Variants in SPTBN4 observed in about 807,000 individuals in gnomAD.
SPTBN4 encodes spectrin beta chain, non-erythrocytic 4.
Under a neutral mutation model 277.8 loss-of-function variants are expected in SPTBN4, and 96 were observed. That is an observed-to-expected ratio of 0.35 (90% CI 0.29 to 0.41). The LOEUF is 0.41. SPTBN4 is among the 10% of genes least tolerant of loss of function. The pLI, the probability that SPTBN4 is intolerant of heterozygous loss-of-function variation, is 1.00. For missense variants in SPTBN4, 3,006 were observed against 3,595.7 expected (o/e 0.84, Z 4.19); for synonymous variants, 1,481 against 1,580.3 (o/e 0.94, Z 1.49).
In SPTBN4 at chr19:40,520,059, T is replaced by C. The variant is rs1200343066; in HGVS notation, c.3562T>C (p.Trp1188Arg). ...ELGWHKLLGL[W>R]EARREALVQA... is the part of the protein sequence containing the mutation. ...TGGCTGGCATAAACTGCTCGGCTTG[T>C]GGGAGGCGCGCAGGGAGGCGCTGGT... Residue 1188 changes from tryptophan (W) to arginine (R), a missense_variant, in exon 16 of 36, where the codon TGG becomes CGG. Coordinates refer to ENST00000598249, the MANE Select transcript of SPTBN4 (RefSeq NM_020971.3). 2.0e-6 allele frequency: 3 copies of C among 1,536,756 alleles called. No individual in the cohort carries two copies. The highest frequency in any genetic ancestry group is 4.3e-5 in the Admixed American group (2 of 46,848).
chr19:40,532,503 TC>T, intron 18 of SPTBN4, 121 bp from the exon 19 acceptor site: 1 of 1,296,098 alleles, frequency 7.7e-7, no homozygotes, highest in East Asian at 2.6e-5. Context: ...TTTCATCCTT[TC>T]CTATTCCTTC....
intron 1 of SPTBN4, 79 bp from the exon 2 acceptor site, chr19:40,472,528 G>A (rs1202228020): frequency 4.6e-6 from 6 of 1,309,276 alleles, no homozygotes; most frequent in Admixed American, 2.6e-5. Flanking sequence ...GAGGACAAGA[G>A]AGGGGACAGG....
At chr19:40,543,767 A>C (rs962120534) in intron 20 of SPTBN4, among the ~76,000 whole-genome samples, 12 of 152,148 alleles carry the variant, frequency 7.9e-5, no homozygotes, top group African/African-American at 2.9e-4. Flanking sequence ...TCTGCCTCCC[A>C]ATCCCACATC....
chr19:40,570,880 G>GT, intron 33 of SPTBN4, 152 bp downstream of exon 33: 1 of 841,738 alleles, frequency 1.2e-6, no homozygotes, highest in African/African-American at 1.8e-5. Context: ...GGTGGTGGTG[G>GT]CTTAAATCAA....
chr19:40,522,233 G>T (rs1052299815), intron 16 of SPTBN4, among the ~76,000 whole-genome samples: 2 of 151,944 alleles, frequency 1.3e-5, no homozygotes, highest in Non-Finnish European at 2.9e-5. Context: ...TCACCATGTT[G>T]CCCAGGCTGG....
At chr19:40,505,599 G>A (rs1368475889) in intron 12 of SPTBN4, among the ~76,000 whole-genome samples, 3 of 151,822 alleles carry the variant, frequency 2.0e-5, no homozygotes, top group Non-Finnish European at 4.4e-5. Flanking sequence ...GAACCTGGGA[G>A]GTGGAGTTTG....
At chr19:40,542,022 A>G (rs1445878520) in intron 20 of SPTBN4, among the ~76,000 whole-genome samples, 1 of 152,164 alleles carries the variant, frequency 6.6e-6, no homozygotes, top group African/African-American at 2.4e-5. Context: ...CCCGGATTCC[A>G]GCGATTCTCC....
Position 40,523,438 on chromosome 19 carries a change from A to G in SPTBN4, c.3656A>G (p.Glu1219Gly). 1.2e-6 allele frequency: 2 copies of G among 1,600,600 alleles called. No homozygotes were observed. Among genetic ancestry groups the G allele is most frequent in the Non-Finnish European group, 1.7e-6 (2 of 1,172,920 alleles). The change falls in exon 17 of 36, where the codon GAG (glutamate) becomes GGG (glycine). Residue 1219 changes from glutamate (E) to glycine (G), a missense_variant and splice_region_variant. This residue lies in a region of SPTBN4 where 1,759 missense variants were observed against 2,061.5 expected (regional missense o/e 0.85). Coordinates refer to ENST00000598249, the MANE Select transcript of SPTBN4 (RefSeq NM_020971.3). The stretch of plus-strand genomic sequence containing the variant: ...TGCACCACGCTCCCTCCTCCCCAGG[A>G]GATGGCGCTGTCTGGTGCGGAGCTC... ...RQALVVLRNQ[E>G]MALSGAELPG... is the part of the protein sequence containing the mutation.
chr19:40,556,998 C>T (rs756893843), intron 25 of SPTBN4, 25 bp from the exon 26 acceptor site: 15 of 1,070,934 alleles, frequency 1.4e-5, no homozygotes, highest in African/African-American at 1.2e-4. Flanking sequence ...TTTGCTGTAC[C>T]CCCCCCCCCA....
At chr19:40,479,426 T>G (rs1429353778) in intron 2 of SPTBN4, among the ~76,000 whole-genome samples, 1 of 152,058 alleles carries the variant, frequency 6.6e-6, no homozygotes, top group East Asian at 1.9e-4. Context: ...TATTCCCAAA[T>G]CTCAAATCAA....
At chr19:40,558,126 G>A (rs1040522276) in intron 26 of SPTBN4, among the ~76,000 whole-genome samples, 5 of 151,888 alleles carry the variant, frequency 3.3e-5, no homozygotes, top group South Asian at 2.1e-4. Context: ...TTGGGAGGTC[G>A]AGGCGGGCAG....
In SPTBN4 at chr19:40,502,318, G is replaced by A; in HGVS notation, c.1085+3G>A. ...TGCACGCTGGAGAAGCCTGTCAAGT[G>A]AGGCCCAGCTCTGGAGGGAGGGTGG... On this transcript the variant is annotated splice_donor_region_variant and intron_variant, in intron 9 of 35. Coordinates refer to ENST00000598249, the MANE Select transcript of SPTBN4 (RefSeq NM_020971.3). The surrounding 1 kb of genome is among the most constrained non-coding windows in gnomAD (Gnocchi z 4.9). The A allele has an allele frequency of 6.2e-7, 1 of 1,612,740 alleles. No individual in the cohort carries two copies. The highest frequency in any genetic ancestry group is 1.7e-4 in the Middle Eastern group (1 of 6,054).
chr19:40,483,175 C>T (rs899943025), intron 2 of SPTBN4, among the ~76,000 whole-genome samples: 2 of 151,956 alleles, frequency 1.3e-5, no homozygotes, highest in Admixed American at 6.6e-5. Flanking sequence ...CGAGAAGTCA[C>T]CTGGCCAGTT....
rs919392841 is a variant in SPTBN4, at chr19:40,558,986, T to C, written c.5671-1173T>C. Reference sequence around the variant, plus strand: ...TCTCTTTGTCACCCAGGCTGGAGTGTAGTGGTCTAATCTCGGCTCACTGCA... The same window carrying C: ...TCTCTTTGTCACCCAGGCTGGAGTGCAGTGGTCTAATCTCGGCTCACTGCA... On this transcript the variant is annotated intron_variant, in intron 26 of 35. Transcript: ENST00000598249. Among the ~76,000 whole-genome samples, 7 of 150,252 alleles carry C rather than the reference T, an allele frequency of 4.7e-5. No homozygotes were observed. The Admixed American group carries it at 4.7e-4, about 10-fold the overall frequency.
At chr19:40,521,739 A>G (rs1268952595) in intron 16 of SPTBN4, among the ~76,000 whole-genome samples, 1 of 152,144 alleles carries the variant, frequency 6.6e-6, no homozygotes, top group Non-Finnish European at 1.5e-5. Flanking sequence ...GGAGTGGAGG[A>G]GAAAGGACAG....
At chr19:40,492,690 G>A (rs2080152614) in intron 4 of SPTBN4, among the ~76,000 whole-genome samples, 1 of 152,156 alleles carries the variant, frequency 6.6e-6, no homozygotes, top group Admixed American at 6.5e-5. Context: ...CTAGGCAGGA[G>A]ACGGCAGTGC....
Position 40,523,492 on chromosome 19 carries a change from C to A in SPTBN4, c.3710C>A (p.Ala1237Asp), listed in dbSNP as rs148009574. The change falls in exon 17 of 36, where the codon GCC (alanine) becomes GAC (aspartate). Residue 1237 changes from alanine (A) to aspartate (D), a missense_variant. Ala to Asp is a moderately radical substitution (Grantham distance 126). Transcript: ENST00000598249. The stretch of plus-strand genomic sequence containing the variant: ...GGCACAGTGGAATCGGTGGAGGAGG[C>A]CTTGAAACAGCACCGTGACTTTCTC... Reference protein sequence around the residue: ...LPGTVESVEEALKQHRDFLTT... With the variant: ...LPGTVESVEEDLKQHRDFLTT... The A allele has an allele frequency of 7.9e-3, 12,797 of 1,613,662 alleles. 61 individuals carry two copies. Among genetic ancestry groups the A allele is most frequent in the Non-Finnish European group, 9.9e-3 (11,713 of 1,179,846 alleles).
chr19:40,538,374 G>C (rs1209705300), intron 20 of SPTBN4, among the ~76,000 whole-genome samples: 8 of 149,994 alleles, frequency 5.3e-5, no homozygotes, highest in Non-Finnish European at 1.0e-4. Flanking sequence ...CTGGGTGACA[G>C]AGTGAGACTC....
chr19:40,570,454 C>G lies in SPTBN4; in HGVS notation c.7045C>G (p.Arg2349Gly). 6.4e-7 allele frequency: 1 copy of G among 1,566,590 alleles called. No individual in the cohort carries two copies. The highest frequency in any genetic ancestry group is 8.6e-7 in the Non-Finnish European group (1 of 1,165,182). Reference sequence around the variant, plus strand: ...CACACAGCCGTCGCTGCCTCAGCCACGCGAGCTTCCCCCAGGTCGCCTGCC... The same window carrying G: ...CACACAGCCGTCGCTGCCTCAGCCAGGCGAGCTTCCCCCAGGTCGCCTGCC... Reference protein sequence around the residue: ...LPAGPSLPQPRELPPGRLPNG... With the variant: ...LPAGPSLPQPGELPPGRLPNG... Residue 2349 changes from arginine to glycine, a missense_variant, in exon 33 of 36, where the codon CGC becomes GGC. By Grantham distance (125) the Arg-to-Gly change is moderately radical. Coordinates refer to ENST00000598249, the MANE Select transcript of SPTBN4 (RefSeq NM_020971.3).
Sources: gnomAD v4.1 joint callset for allele counts (sites outside exome capture counted in the v4.1 genomes callset) on GRCh38, gnomAD v4.1.1 for gene constraint, gnomAD v4.1.1 regional missense constraint, Gnocchi (gnomAD v3.1) non-coding constraint, MANE v1.5 for transcripts, NCBI Gene and HGNC (gene_info 2026-07-23, HGNC 2026-07-21) for gene names.